Variants in RIN3 observed in about 807,000 individuals in gnomAD.
The protein encoded by RIN3 is Ras and Rab interactor 3.
In RIN3, 54 loss-of-function variants were observed where a neutral mutation model predicts 76.3. The ratio of observed to expected loss-of-function variants is 0.71; its 90% CI spans 0.57 to 0.89. The LOEUF (loss-of-function observed/expected upper bound fraction) is 0.89. RIN3 is among the 40% of genes least tolerant of loss of function. RIN3 has a pLI of 0.00. For missense variants in RIN3, 1,256 were observed against 1,322.1 expected, an observed-to-expected ratio of 0.95 and a Z score of 0.78; for synonymous variants, 576 against 564.0, an observed-to-expected ratio of 1.02 and a Z score of -0.30.
chr14:92,548,708 A>G (rs1479249224), intron 1 of RIN3, among the ~76,000 whole-genome samples: 2 of 152,074 alleles, frequency 1.3e-5, no homozygotes, highest in Non-Finnish European at 2.9e-5. Flanking sequence ...TCTTATAGGG[A>G]CACCTCTCAT....
chr14:92,543,213 G>A (rs1897165983), intron 1 of RIN3, among the ~76,000 whole-genome samples: 1 of 152,038 alleles, frequency 6.6e-6, no homozygotes, highest in Admixed American at 6.6e-5. Context: ...AGACTCTAGG[G>A]CGGTAGATGC....
At chr14:92,675,392 A>G (rs574201725) in intron 7 of RIN3, among the ~76,000 whole-genome samples, 1 of 152,318 alleles carries the variant, frequency 6.6e-6, no homozygotes, top group South Asian at 2.1e-4. Context: ...CACTTTTTGC[A>G]AGAGCTATAC....
At chr14:92,655,448 G>A (rs775193491) in intron 6 of RIN3, among the ~76,000 whole-genome samples, 2 of 152,222 alleles carry the variant, frequency 1.3e-5, no homozygotes, top group Non-Finnish European at 2.9e-5. Context: ...GGATGGAAGT[G>A]AGGTCAGGAG....
At chr14:92,638,332 G>T (rs1199735494) in intron 4 of RIN3, among the ~76,000 whole-genome samples, 1 of 152,240 alleles carries the variant, frequency 6.6e-6, no homozygotes, top group Non-Finnish European at 1.5e-5. Context: ...GAGCCAGCAG[G>T]AGTCCCCCGA....
In RIN3 at chr14:92,546,990, TTTA is replaced by T. The variant is rs139354051; in HGVS notation, c.45-8749_45-8747del. ...ACTGTTTATTTAAAATTATTTTTAT[TTTA>T]TTATTATTATTTTATTTTATTATTA... On this transcript the variant is annotated intron_variant, in intron 1 of 9. Coordinates refer to ENST00000216487, the MANE Select transcript of RIN3 (RefSeq NM_024832.5). Among the ~76,000 whole-genome samples, 27 of 97,338 alleles carry T rather than the reference TTTA, an allele frequency of 2.8e-4. 2 individuals carry two copies. The highest frequency in any genetic ancestry group is 8.5e-4 in the African/African-American group (24 of 28,276). 63.9% of individuals were successfully genotyped at this position (97,338 alleles called of 152,430 possible).
At chr14:92,634,729 T>G (rs8015224) in intron 4 of RIN3, among the ~76,000 whole-genome samples, 56,046 of 151,698 alleles carry the variant, frequency 0.37, 11,088 homozygotes, top group African/African-American at 0.51. Flanking sequence ...GTGGTTGCAG[T>G]CACCTGTAAT....
chr14:92,541,398 G>A (rs542114947), intron 1 of RIN3, among the ~76,000 whole-genome samples: 1 of 152,164 alleles, frequency 6.6e-6, no homozygotes, highest in Non-Finnish European at 1.5e-5. Context: ...GCACACCTGG[G>A]TATTGTTTCC....
At chr14:92,614,408 G>T (rs1466566142) in intron 3 of RIN3, among the ~76,000 whole-genome samples, 2 of 152,158 alleles carry the variant, frequency 1.3e-5, no homozygotes, top group African/African-American at 4.8e-5. Flanking sequence ...GGATGACTGT[G>T]ATCTATTAAA....
In RIN3 at chr14:92,526,694, A is replaced by C. The variant is rs534893936; in HGVS notation, c.44+12718A>C. ...CTTGAACCTGGGAGGCAGAGGTTGC[A>C]GTGAGCCAAGATCGTGCCACTGCAC... is the stretch of plus-strand genomic sequence containing the variant. On this transcript the variant is annotated intron_variant, in intron 1 of 9. Coordinates refer to ENST00000216487, the MANE Select transcript of RIN3 (RefSeq NM_024832.5). Among the ~76,000 whole-genome samples the C allele has an allele frequency of 3.9e-5, 6 of 152,356 alleles. No individual in the cohort carries two copies. The South Asian group carries it at 1.2e-3, about 32-fold the overall frequency.
At chr14:92,575,912 TG>T (rs35981496) in intron 2 of RIN3, among the ~76,000 whole-genome samples, 31,939 of 151,998 alleles carry the variant, frequency 0.21, 3,531 homozygotes, top group African/African-American at 0.26. Context: ...CTATTCAAGA[TG>T]GGGGTCACTC....
At chr14:92,658,044 A>C (rs1307476481) in intron 6 of RIN3, among the ~76,000 whole-genome samples, 1 of 152,192 alleles carries the variant, frequency 6.6e-6, no homozygotes, top group African/African-American at 2.4e-5. Flanking sequence ...ACTTCCTAAG[A>C]ATATGTTTCT....
At chr14:92,531,144 G>A (rs939598414) in intron 1 of RIN3, among the ~76,000 whole-genome samples, 5 of 152,118 alleles carry the variant, frequency 3.3e-5, no homozygotes, top group African/African-American at 7.2e-5. Context: ...AAATAGCACC[G>A]ATGGGGTGGC....
At chr14:92,661,196 G>A (rs989208129) in intron 7 of RIN3, among the ~76,000 whole-genome samples, 1 of 152,138 alleles carries the variant, frequency 6.6e-6, no homozygotes, top group Admixed American at 6.5e-5. Context: ...ACAGCACCTG[G>A]CAGGCTCAAC....
chr14:92,657,913 T>C (rs1887729358), intron 6 of RIN3, among the ~76,000 whole-genome samples: 1 of 152,116 alleles, frequency 6.6e-6, no homozygotes, highest in African/African-American at 2.4e-5. Context: ...CATGAGTCCC[T>C]CCCTCCTCTC....
chr14:92,577,625 T>G, intron 3 of RIN3, 148 bp downstream of exon 3: 3 of 561,400 alleles, frequency 5.3e-6, no homozygotes, highest in South Asian at 4.0e-5. Flanking sequence ...TGAAGTTACT[T>G]AGCCAGACTT....
At chr14:92,636,072 C>T (rs1315438292) in intron 4 of RIN3, among the ~76,000 whole-genome samples, 3 of 152,140 alleles carry the variant, frequency 2.0e-5, no homozygotes, top group African/African-American at 7.2e-5. Flanking sequence ...CCCCAGTCTT[C>T]GGAGCTGCGA....
chr14:92,622,944 G>C (rs1376691622), intron 4 of RIN3, among the ~76,000 whole-genome samples: 2 of 152,194 alleles, frequency 1.3e-5, no homozygotes, highest in African/African-American at 4.8e-5. Context: ...TCGTTCACGG[G>C]GAAGAATTTG....
intron 3 of RIN3, among the ~76,000 whole-genome samples, chr14:92,580,053 C>T (rs2140062822): frequency 6.6e-6 from 1 of 152,392 alleles, no homozygotes; most frequent in Non-Finnish European, 1.5e-5. Context: ...GGAGGTCTTT[C>T]CGCAGAGACC....
At chr14:92,667,806 T>G (rs770432756) in intron 7 of RIN3, among the ~76,000 whole-genome samples, 2 of 152,136 alleles carry the variant, frequency 1.3e-5, no homozygotes, top group Non-Finnish European at 1.5e-5. Flanking sequence ...ATATGGTCAT[T>G]CAGGGATCCA....
Sources: gnomAD v4.1 joint callset for allele counts (sites outside exome capture counted in the v4.1 genomes callset) on GRCh38, gnomAD v4.1.1 for gene constraint, MANE v1.5 for transcripts, NCBI Gene and HGNC (gene_info 2026-07-23, HGNC 2026-07-21) for gene names.